Variants in CERKL observed in about 807,000 individuals in gnomAD.
CERKL encodes ceramide kinase-like protein.
CERKL carries 61 observed loss-of-function variants against 63.4 expected under a neutral mutation model. The ratio of observed to expected loss-of-function variants is 0.96; its 90% CI spans 0.78 to 1.19. The LOEUF (loss-of-function observed/expected upper bound fraction) is 1.19, where lower values mean the gene tolerates loss of function less well. Ranked by LOEUF, CERKL falls within the 50% of genes most tolerant of loss-of-function variation. CERKL has a pLI of 0.00. For missense variants in CERKL, 675 were observed against 655.5 expected (o/e 1.03, Z -0.33); for synonymous variants, 250 against 230.5 (o/e 1.08, Z -0.77).
intron 1 of CERKL, among the ~76,000 whole-genome samples, chr2:181,630,083 G>A (rs1686887841): frequency 6.6e-6 from 1 of 151,658 alleles, no homozygotes; most frequent in Admixed American, 6.6e-5. Flanking sequence ...CAGGGCTGAA[G>A]TGAAGTGGTG....
intron 1 of CERKL, among the ~76,000 whole-genome samples, chr2:181,654,755 C>T (rs866535207): frequency 3.3e-5 from 5 of 152,254 alleles, no homozygotes; most frequent in Middle Eastern, 3.4e-3. Flanking sequence ...CTTAATATCT[C>T]CTTCTTATTT....
chr2:181,628,170 G>A (rs781472960), intron 1 of CERKL, among the ~76,000 whole-genome samples: 4 of 152,070 alleles, frequency 2.6e-5, no homozygotes. Context: ...TCTTATTTAA[G>A]CTTCAGACTC....
At position 181,538,159 on chromosome 2, in the gene CERKL, C is replaced by CATTTCTTTTAGAAACAATTACAT. The variant is rs777753662; in HGVS notation, c.*2_*24dup. On this transcript the variant is annotated 3_prime_UTR_variant, in exon 13 of 13. Coordinates refer to ENST00000410087, the MANE Select transcript of CERKL (RefSeq NM_201548.5). ...CTTTATATTAAAATTCTAGTTTGTACATTTCTTTTAGAAACAATTACATGT... is the reference window on the plus strand; with the variant it reads ...CTTTATATTAAAATTCTAGTTTGTACATTTCTTTTAGAAACAATTACATATTTCTTTTAGAAACAATTACATGT... The CATTTCTTTTAGAAACAATTACAT allele has an allele frequency of 6.9e-7, 1 of 1,454,316 alleles. No homozygotes were observed. Among genetic ancestry groups the CATTTCTTTTAGAAACAATTACAT allele is most frequent in the South Asian group, 1.1e-5 (1 of 87,432 alleles). The allele number at this position is 1,454,316 out of a possible 1,614,324, so 90.1% of individuals were successfully genotyped here.
At chr2:181,565,571 A>G in intron 4 of CERKL, 1 of 1,178,068 alleles carries the variant, frequency 8.5e-7, no homozygotes, top group Non-Finnish European at 1.3e-6. Context: ...ATTATTTCTT[A>G]TTGTTTCTGG....
intron 1 of CERKL, among the ~76,000 whole-genome samples, chr2:181,646,497 A>C (rs1056994829): frequency 2.0e-5 from 3 of 152,238 alleles, no homozygotes; most frequent in African/African-American, 7.2e-5. Flanking sequence ...CGGAGCAAGG[A>C]AAGTTGCTTT....
At chr2:181,650,099 GAGGGAGGGAGGGAGGAAGGAAGGA>G (rs1687846597) in intron 1 of CERKL, 3 of 77,192 alleles carry the variant, frequency 3.9e-5, no homozygotes, top group African/African-American at 1.7e-4. Context: ...GGGAGGGAGG[GAGGGAGGGAGGGAGGAAGGAAGGA>G]AGGAAGGAAG....
chr2:181,592,101 G>A (rs16867451), intron 2 of CERKL, among the ~76,000 whole-genome samples: 27,874 of 151,982 alleles, frequency 0.18, 4,114 homozygotes, highest in African/African-American at 0.41. Context: ...TGTATAAAGG[G>A]AAGACTTCTT....
intron 1 of CERKL, among the ~76,000 whole-genome samples, chr2:181,636,221 C>T (rs1687173529): frequency 6.6e-6 from 1 of 152,164 alleles, no homozygotes; most frequent in South Asian, 2.1e-4. Flanking sequence ...GATTTAAAAA[C>T]GAATTTGCGC....
intron 4 of CERKL, among the ~76,000 whole-genome samples, chr2:181,560,714 T>C (rs941171504): frequency 6.6e-6 from 1 of 152,122 alleles, no homozygotes; most frequent in African/African-American, 2.4e-5. Flanking sequence ...AAATAAGACA[T>C]TTTGGTCTTA....
At chr2:181,583,254 CA>C (rs1168362125) in intron 2 of CERKL, among the ~76,000 whole-genome samples, 4 of 151,970 alleles carry the variant, frequency 2.6e-5, no homozygotes, top group Non-Finnish European at 5.9e-5. Flanking sequence ...GTGTTAAAAC[CA>C]TTAGGTGAAA....
At position 181,574,734 on chromosome 2, in the gene CERKL, C is replaced by T. The variant is rs549406148; in HGVS notation, c.482-850G>A. On this transcript the variant is annotated intron_variant, in intron 2 of 12. Coordinates refer to ENST00000410087, the MANE Select transcript of CERKL (RefSeq NM_201548.5). ...CAGAGGGCCACGTTTAAAGATTAAA[C>T]AAGCAGTTATTAACATCTATTTTTA... is the stretch of plus-strand genomic sequence containing the variant. Among the ~76,000 whole-genome samples the T allele has an allele frequency of 1.6e-4, 25 of 152,228 alleles. No individual in the cohort carries two copies. In the South Asian group the frequency reaches 4.6e-3, roughly 28 times the overall value.
chr2:181,613,206 T>C (rs546368669), intron 1 of CERKL, among the ~76,000 whole-genome samples: 3 of 152,354 alleles, frequency 2.0e-5, no homozygotes, highest in African/African-American at 7.2e-5. Flanking sequence ...TACTCTCTGC[T>C]TCTATAAGTT....
intron 3 of CERKL, among the ~76,000 whole-genome samples, chr2:181,572,450 A>G (rs988930215): frequency 2.4e-4 from 36 of 152,322 alleles, no homozygotes; most frequent in African/African-American, 8.4e-4. Flanking sequence ...GCTTTGTAGT[A>G]TTCACATGTA....
At chr2:181,644,816 C>A (rs564035702) in intron 1 of CERKL, among the ~76,000 whole-genome samples, 1 of 151,984 alleles carries the variant, frequency 6.6e-6, no homozygotes, top group Non-Finnish European at 1.5e-5. Context: ...AAACATGAAT[C>A]ATTCAAATAA....
chr2:181,624,265 T>C (rs1559111571), intron 1 of CERKL, among the ~76,000 whole-genome samples: 1 of 152,032 alleles, frequency 6.6e-6, no homozygotes. Flanking sequence ...TGGTGGCTCA[T>C]GCCTATAATC....
At chr2:181,574,921 G>T (rs1689063857) in intron 2 of CERKL, among the ~76,000 whole-genome samples, 1 of 152,150 alleles carries the variant, frequency 6.6e-6, no homozygotes. Context: ...TTTAGACGAG[G>T]AAGAGATAGG....
intron 4 of CERKL, among the ~76,000 whole-genome samples, chr2:181,564,902 C>A (rs1275534197): frequency 6.6e-6 from 1 of 152,072 alleles, no homozygotes; most frequent in Admixed American, 6.6e-5. Flanking sequence ...TTTTTGTCTA[C>A]CTCTAAGTAT....
At position 181,566,118 on chromosome 2, in the gene CERKL, A is replaced by G. The variant is rs768703034; in HGVS notation, c.617T>C (p.Met206Thr). 8.1e-6 allele frequency: 13 copies of G among 1,609,872 alleles called. No individual in the cohort carries two copies. The East Asian group carries it at 2.7e-4, about 33-fold the overall frequency. The change falls in exon 4 of 13, where the codon ATG becomes ACG. Residue 206 changes from methionine (M) to threonine (T), a missense_variant. Met to Thr is a moderately conservative substitution (Grantham distance 81). Coordinates refer to ENST00000410087, the MANE Select transcript of CERKL (RefSeq NM_201548.5). ...LAGIKTDVTI[M>T]EYEGHALSLL... is the part of the protein sequence containing the mutation. ...TGACAGAGCGTGCCCTTCATATTCC[A>G]TTACTATTAAAAAAACACACACACA...
intron 3 of CERKL, among the ~76,000 whole-genome samples, chr2:181,568,966 G>C (rs184125208): frequency 1.3e-5 from 2 of 151,706 alleles, no homozygotes; most frequent in African/African-American, 4.8e-5. Flanking sequence ...TCCTAAATCT[G>C]TAACAGTTCT....
Sources: allele counts gnomAD v4.1 joint callset (sites outside exome capture counted in the v4.1 genomes callset), GRCh38; gene constraint gnomAD v4.1.1; transcripts MANE v1.5; gene names NCBI Gene and HGNC (gene_info 2026-07-23, HGNC 2026-07-21).